The following GPATCH2 variants were observed in gnomAD, a reference collection of about 807,000 sequenced individuals.
GPATCH2 encodes the protein G patch domain-containing protein 2.
In GPATCH2, 51 loss-of-function variants were observed where a neutral mutation model predicts 58.0. That is an observed-to-expected ratio of 0.88 (90% CI 0.70 to 1.11). The LOEUF is 1.11. Among genes scored for constraint, GPATCH2 ranks in the 50% most tolerant of loss-of-function variants. The pLI is 0.00. For synonymous variants in GPATCH2, 222 were observed against 218.5 expected (o/e 1.02, Z -0.14); for missense variants, 625 against 652.2 (o/e 0.96, Z 0.45).
chr1:217,532,098 A>G (rs1664221771), intron 5 of GPATCH2, among the ~76,000 whole-genome samples: 1 of 152,192 alleles, frequency 6.6e-6, no homozygotes, highest in South Asian at 2.1e-4. Context: ...ACACAAACAG[A>G]ATCCCAAGTA....
intron 1 of GPATCH2, among the ~76,000 whole-genome samples, chr1:217,629,092 A>G (rs577893184): frequency 6.6e-6 from 1 of 152,230 alleles, no homozygotes; most frequent in South Asian, 2.1e-4. Context: ...CACCTAATTA[A>G]CTGCTTAGTA....
intron 5 of GPATCH2, among the ~76,000 whole-genome samples, chr1:217,571,512 TA>T (rs11366675): frequency 0.26 from 36,636 of 142,480 alleles, 5,536 homozygotes; most frequent in East Asian, 0.68. Flanking sequence ...TGAAAGACAT[TA>T]AAAAAAAAAA....
intron 6 of GPATCH2, among the ~76,000 whole-genome samples, chr1:217,509,111 G>A (rs966759055): frequency 2.0e-5 from 3 of 152,108 alleles, no homozygotes; most frequent in African/African-American, 7.2e-5. Flanking sequence ...ATGAGAAGGC[G>A]GGTGGATCAC....
intron 9 of GPATCH2, among the ~76,000 whole-genome samples, chr1:217,434,285 C>T (rs774808656): frequency 1.4e-4 from 21 of 152,148 alleles, no homozygotes; most frequent in Non-Finnish European, 2.6e-4. Context: ...TTGTGTGTGA[C>T]AGTGAAAAAT....
intron 8 of GPATCH2, among the ~76,000 whole-genome samples, chr1:217,487,508 C>G (rs562897322): frequency 6.6e-6 from 1 of 151,644 alleles, no homozygotes; most frequent in African/African-American, 2.4e-5. Flanking sequence ...TCACTGCAAC[C>G]TCCGCCTTCC....
At chr1:217,624,788 G>C (rs989116899) in intron 1 of GPATCH2, among the ~76,000 whole-genome samples, 1 of 152,152 alleles carries the variant, frequency 6.6e-6, no homozygotes, top group African/African-American at 2.4e-5. Context: ...TAACTAATTT[G>C]AGATTTTTAT....
At chr1:217,523,327 G>A (rs1170989342) in intron 5 of GPATCH2, among the ~76,000 whole-genome samples, 2 of 151,756 alleles carry the variant, frequency 1.3e-5, no homozygotes, top group Non-Finnish European at 2.9e-5. Context: ...GCAGCCTTCC[G>A]CAGTGTTTGT....
chr1:217,584,344 A>AAAAAAAAAAAAAAAAATATATAT (rs1463910405), intron 5 of GPATCH2, among the ~76,000 whole-genome samples: 1 of 101,840 alleles, frequency 9.8e-6, no homozygotes, highest in Non-Finnish European at 2.0e-5. Context: ...AAAAAAAAAA[A>AAAAAAAAAAAAAAAAATATATAT]ATATATATAT....
intron 8 of GPATCH2, among the ~76,000 whole-genome samples, chr1:217,488,660 TC>T (rs1661565778): frequency 6.6e-6 from 1 of 152,088 alleles, no homozygotes; most frequent in Non-Finnish European, 1.5e-5. Context: ...ACATGTTTAA[TC>T]ATAAATTATT....
At chr1:217,607,974 T>C (rs1038238115) in intron 5 of GPATCH2, among the ~76,000 whole-genome samples, 2 of 152,218 alleles carry the variant, frequency 1.3e-5, no homozygotes, top group African/African-American at 4.8e-5. Flanking sequence ...AAAAACAATC[T>C]GGCTTTCCAG....
At chr1:217,454,588 CAAAAAAAAAAAAA>C (rs34571192) in intron 8 of GPATCH2, among the ~76,000 whole-genome samples, 1 of 59,614 alleles carries the variant, frequency 1.7e-5, no homozygotes, top group East Asian at 6.3e-4. Context: ...GACTCTGTCT[CAAAAAAAAAAAAA>C]AAAAAAAAAC....
At chr1:217,433,390 T>A (rs892294797) in intron 9 of GPATCH2, among the ~76,000 whole-genome samples, 3,687 of 55,338 alleles carry the variant, frequency 0.067, 96 homozygotes, top group African/African-American at 0.18. Flanking sequence ...ATATATTTAT[T>A]TATTTATTTA....
chr1:217,554,668 A>C (rs1242876690), intron 5 of GPATCH2, among the ~76,000 whole-genome samples: 2 of 152,188 alleles, frequency 1.3e-5, no homozygotes, highest in Non-Finnish European at 2.9e-5. Context: ...CTAACTGTAA[A>C]TCTGTTTTGG....
chr1:217,522,292 C>CA (rs1220893055), intron 5 of GPATCH2, among the ~76,000 whole-genome samples: 3 of 151,948 alleles, frequency 2.0e-5, no homozygotes, highest in African/African-American at 4.8e-5. Flanking sequence ...AATGCTTTCA[C>CA]AAAAAAGATT....
intron 5 of GPATCH2, among the ~76,000 whole-genome samples, chr1:217,567,268 A>T (rs140608631): frequency 3.0e-3 from 455 of 151,528 alleles, no homozygotes; most frequent in Middle Eastern, 0.01. Context: ...CTGGTCTTGA[A>T]CTCCCGACCT....
At chr1:217,483,890 T>C (rs1661331834) in intron 8 of GPATCH2, among the ~76,000 whole-genome samples, 1 of 152,238 alleles carries the variant, frequency 6.6e-6, no homozygotes, top group Admixed American at 6.5e-5. Flanking sequence ...TTATAAGATA[T>C]GTGATTGCAA....
rs185212732 is a variant in GPATCH2 at position 217,459,928 on chromosome 1, G to C, written c.1278-10591C>G. Among the ~76,000 whole-genome samples the C allele has an allele frequency of 5.9e-3, 903 of 152,070 alleles. 2 individuals are homozygous for C. Among genetic ancestry groups the C allele is most frequent in the Middle Eastern group, 0.014 (4 of 294 alleles). ...AGTTCCGTTCTGAGGTAGCATGTTA[G>C]GACAGATACGTGCTAAGTTTTTTTC... On this transcript the variant is annotated intron_variant, in intron 8 of 9. Transcript: ENST00000366935.
chr1:217,552,614 T>C (rs1665420101), intron 5 of GPATCH2, among the ~76,000 whole-genome samples: 1 of 152,142 alleles, frequency 6.6e-6, no homozygotes, highest in East Asian at 1.9e-4. Context: ...CAAAAATAGG[T>C]TGAAACTGCT....
At chr1:217,526,158 C>T (rs543110413) in intron 5 of GPATCH2, among the ~76,000 whole-genome samples, 30 of 152,164 alleles carry the variant, frequency 2.0e-4, no homozygotes, top group South Asian at 6.2e-4. Context: ...ATTAAAAGAG[C>T]GTTTCTAAGA....
Sources: gnomAD v4.1 joint callset for allele counts (sites outside exome capture counted in the v4.1 genomes callset) on GRCh38, gnomAD v4.1.1 for gene constraint, MANE v1.5 for transcripts, NCBI Gene and HGNC (gene_info 2026-07-23, HGNC 2026-07-21) for gene names.